ARHGEF38: variants seen among roughly 807,000 people sequenced by gnomAD.
ARHGEF38 encodes Rho guanine nucleotide exchange factor (GEF) 38.
ARHGEF38 carries 79 observed loss-of-function variants against 79.9 expected under a neutral mutation model. The observed-to-expected ratio is 0.99, with a 90% confidence interval of 0.82 to 1.19. ARHGEF38 has a LOEUF of 1.19. ARHGEF38 is among the 50% of genes most tolerant of loss of function. The probability of loss-of-function intolerance (pLI) is 0.00; values close to 1 mark genes in which losing one functional copy is unlikely to be tolerated. For synonymous variants in ARHGEF38, 366 were observed against 328.3 expected (o/e 1.11, Z -1.24); for missense variants, 962 against 907.2 (o/e 1.06, Z -0.78).
rs1487614553 is a variant in ARHGEF38, at chr4:105,680,203, C to A, written c.*2266C>A. On this transcript the variant is annotated 3_prime_UTR_variant, in exon 14 of 14. Transcript: ENST00000420470. Reference sequence around the variant, plus strand: ...TAAGGCCTTTCTTTTAGTGTTTTCCCTTTTCTTTTCCTTAAGTCACTAAAA... The same window carrying A: ...TAAGGCCTTTCTTTTAGTGTTTTCCATTTTCTTTTCCTTAAGTCACTAAAA... The A allele has an allele frequency of 2.1e-6, 1 of 481,318 alleles. No individual in the cohort carries two copies. The highest frequency in any genetic ancestry group is 3.9e-6 in the Non-Finnish European group (1 of 258,556). 29.8% of individuals were successfully genotyped at this position (481,318 alleles called of 1,614,324 possible).
At chr4:105,672,639 TACAA>T (rs1200787145) in intron 13 of ARHGEF38, among the ~76,000 whole-genome samples, 2 of 152,190 alleles carry the variant, frequency 1.3e-5, no homozygotes, top group African/African-American at 4.8e-5. Context: ...CTTAAAACAA[TACAA>T]ACATATTTCT....
intron 1 of ARHGEF38, among the ~76,000 whole-genome samples, chr4:105,586,918 C>CA (rs1578281646): frequency 6.6e-6 from 1 of 150,794 alleles, no homozygotes. Context: ...CACCCCCACC[C>CA]AATCATTTCA....
At chr4:105,633,839 C>G (rs141420218) in intron 4 of ARHGEF38, among the ~76,000 whole-genome samples, 83 of 152,194 alleles carry the variant, frequency 5.5e-4, no homozygotes, top group African/African-American at 2.0e-3. Context: ...AATAACAATA[C>G]AAGAATTAAT....
At chr4:105,607,441 A>C (rs73837067) in intron 2 of ARHGEF38, among the ~76,000 whole-genome samples, 2,670 of 152,228 alleles carry the variant, frequency 0.018, 68 homozygotes, top group African/African-American at 0.052. Flanking sequence ...AATTCAGTTC[A>C]AATTTTTAAA....
intron 1 of ARHGEF38, among the ~76,000 whole-genome samples, chr4:105,572,367 A>T (rs569853485): frequency 1.3e-5 from 2 of 152,190 alleles, no homozygotes; most frequent in East Asian, 3.9e-4. Flanking sequence ...TTTTCCCCCT[A>T]ATTTTTCATT....
chr4:105,628,580 A>T (rs1220144047), intron 3 of ARHGEF38, among the ~76,000 whole-genome samples: 1 of 152,200 alleles, frequency 6.6e-6, no homozygotes, highest in Admixed American at 6.5e-5. Flanking sequence ...ACTCTATAGG[A>T]TATCAGAAAC....
chr4:105,582,493 C>T (rs1471844566), intron 1 of ARHGEF38, among the ~76,000 whole-genome samples: 1 of 151,818 alleles, frequency 6.6e-6, no homozygotes, highest in Non-Finnish European at 1.5e-5. Flanking sequence ...CTTCTGTGAC[C>T]CATCAGTTAT....
intron 3 of ARHGEF38, among the ~76,000 whole-genome samples, chr4:105,623,610 G>T (rs1728827072): frequency 6.6e-6 from 1 of 152,164 alleles, no homozygotes; most frequent in Admixed American, 6.6e-5. Flanking sequence ...TGGAGTTAAA[G>T]TATCTAGAAG....
chr4:105,680,690 A>G lies in ARHGEF38; in HGVS notation c.*2753A>G, dbSNP rs903519391. The G allele has an allele frequency of 1.3e-5, 2 of 152,342 alleles. No homozygotes were observed. Among genetic ancestry groups the G allele is most frequent in the African/African-American group, 4.8e-5 (2 of 41,452 alleles). 9.4% of individuals were successfully genotyped at this position (152,342 alleles called of 1,614,324 possible). A position where few individuals can be genotyped will look rare whatever the true frequency, so the allele number is the denominator to read the frequency against. ...AAATACGGTATATGTGTACTTATAC[A>G]TATGTACATAACCTAAATATACGTG... On this transcript the variant is annotated 3_prime_UTR_variant, in exon 14 of 14. Coordinates refer to ENST00000420470, the MANE Select transcript of ARHGEF38 (RefSeq NM_001242729.2).
chr4:105,560,317 C>T (rs980963518), intron 1 of ARHGEF38, among the ~76,000 whole-genome samples: 1 of 152,140 alleles, frequency 6.6e-6, no homozygotes, highest in Non-Finnish European at 1.5e-5. Flanking sequence ...ATCTCCATTT[C>T]CTGCTTCATT....
chr4:105,666,670 T>C (rs1730761851), intron 11 of ARHGEF38, among the ~76,000 whole-genome samples: 1 of 152,132 alleles, frequency 6.6e-6, no homozygotes, highest in Admixed American at 6.5e-5. Flanking sequence ...GCCCCAGAGA[T>C]AAGTGGGTTT....
At chr4:105,677,254 C>A (rs1009165419) in intron 13 of ARHGEF38, among the ~76,000 whole-genome samples, 5 of 152,160 alleles carry the variant, frequency 3.3e-5, no homozygotes, top group African/African-American at 1.2e-4. Context: ...TGAGCCACCG[C>A]GCCCGGCCTG....
At chr4:105,674,578 T>C (rs562070465) in intron 13 of ARHGEF38, among the ~76,000 whole-genome samples, 1 of 152,160 alleles carries the variant, frequency 6.6e-6, no homozygotes, top group East Asian at 1.9e-4. Context: ...AAAAAGAGAC[T>C]GAAAATAGAC....
chr4:105,625,851 G>A (rs1472048264), intron 3 of ARHGEF38, among the ~76,000 whole-genome samples: 6 of 152,106 alleles, frequency 3.9e-5, no homozygotes, highest in Non-Finnish European at 8.8e-5. Context: ...GTCAATCTTG[G>A]CAGTATTTCT....
intron 1 of ARHGEF38, among the ~76,000 whole-genome samples, chr4:105,566,968 G>A (rs1017039505): frequency 6.6e-6 from 1 of 152,138 alleles, no homozygotes; most frequent in Non-Finnish European, 1.5e-5. Flanking sequence ...GGTCAGGCTG[G>A]TCTTGAACTC....
chr4:105,630,912 C>T lies in ARHGEF38; in HGVS notation c.523C>T (p.Gln175Ter). 6.2e-7 allele frequency: 1 copy of T among 1,609,116 alleles called. No individual in the cohort carries two copies. Among genetic ancestry groups the T allele is most frequent in the Non-Finnish European group, 8.5e-7 (1 of 1,178,422 alleles). ...AMQVIGEVFL[Q>*]IKGPLEDIYK... is the part of the protein sequence containing the mutation. ...GCATTTATCAGGAGAAGTATTCTTG[C>T]AGATTAAAGGGCCACTGGAAGATAT... Residue 175 changes from glutamine (Q) to a stop codon, truncating the protein, a stop_gained, in exon 4 of 14, where the codon CAG becomes TAG. Coordinates refer to ENST00000420470, the MANE Select transcript of ARHGEF38 (RefSeq NM_001242729.2). LOFTEE classifies it high-confidence loss of function.
At chr4:105,558,149 A>G (rs1414973385) in intron 1 of ARHGEF38, among the ~76,000 whole-genome samples, 1 of 152,212 alleles carries the variant, frequency 6.6e-6, no homozygotes, top group Non-Finnish European at 1.5e-5. Flanking sequence ...TATGAACTTT[A>G]TACAAAATAA....
In ARHGEF38 at chr4:105,609,270, T is replaced by C. The variant is rs144127257; in HGVS notation, c.385-4114T>C. 8.4e-4 allele frequency among the ~76,000 whole-genome samples: 128 copies of C among 152,184 alleles called. 1 individual carries two copies. The East Asian group carries it at 0.023, about 27-fold the overall frequency. ...AAAGACTGTCCTTTCCCATTGTGTGTTCTTGACATCTTTGCTGAAAATCAA... is the reference window on the plus strand; with the variant it reads ...AAAGACTGTCCTTTCCCATTGTGTGCTCTTGACATCTTTGCTGAAAATCAA... On this transcript the variant is annotated intron_variant, in intron 2 of 13. Coordinates refer to ENST00000420470, the MANE Select transcript of ARHGEF38 (RefSeq NM_001242729.2).
Position 105,651,390 on chromosome 4 carries a change from C to T in ARHGEF38, c.1009-2675C>T, listed in dbSNP as rs566921549. 1.5e-3 allele frequency among the ~76,000 whole-genome samples: 229 copies of T among 152,188 alleles called. 1 individual carries two copies. The highest frequency in any genetic ancestry group is 5.4e-3 in the African/African-American group (226 of 41,516). ...TAGAGTTAGGGTATAAAGCTATTAC[C>T]GAAGAGGAAGATTCTATTCAATTCA... is the stretch of plus-strand genomic sequence containing the variant. On this transcript the variant is annotated intron_variant, in intron 7 of 13. Coordinates refer to ENST00000420470, the MANE Select transcript of ARHGEF38 (RefSeq NM_001242729.2).
Sources: gnomAD v4.1 joint callset for allele counts (sites outside exome capture counted in the v4.1 genomes callset) on GRCh38, gnomAD v4.1.1 for gene constraint, MANE v1.5 for transcripts, NCBI Gene and HGNC (gene_info 2026-07-23, HGNC 2026-07-21) for gene names.